EGFR: variants seen among roughly 807,000 people sequenced by gnomAD.
EGFR encodes avian erythroblastic leukemia viral (v-erb-b) oncogene homolog.
In EGFR, 58 loss-of-function variants were observed where a neutral mutation model predicts 143.0. The observed-to-expected ratio is 0.41, with a 90% confidence interval of 0.33 to 0.50. The LOEUF (loss-of-function observed/expected upper bound fraction) is 0.50, where lower values mean the gene tolerates loss of function less well. Among genes scored for constraint, EGFR ranks in the 20% least tolerant of loss-of-function variants. The pLI is 0.39. For synonymous variants in EGFR, 613 were observed against 594.4 expected (o/e 1.03, Z -0.45); for missense variants, 1,307 against 1,579.0 (o/e 0.83, Z 2.92).
chr7:55,051,350 G>A (rs572194509), intron 1 of EGFR, among the ~76,000 whole-genome samples: 1 of 152,264 alleles, frequency 6.6e-6, no homozygotes, highest in East Asian at 1.9e-4. Context: ...AATCACAGGT[G>A]ATTAGGTCAT....
At chr7:55,106,669 G>A (rs1470893123) in intron 1 of EGFR, among the ~76,000 whole-genome samples, 1 of 152,182 alleles carries the variant, frequency 6.6e-6, no homozygotes, top group Non-Finnish European at 1.5e-5. Context: ...ATTATTTCAT[G>A]CAAAAGGCTA....
intron 1 of EGFR, among the ~76,000 whole-genome samples, chr7:55,075,230 C>T (rs1790069146): frequency 6.6e-6 from 1 of 151,964 alleles, no homozygotes; most frequent in South Asian, 2.1e-4. Flanking sequence ...ATTCCACCAA[C>T]CAGAGGATAC....
intron 1 of EGFR, among the ~76,000 whole-genome samples, 172 bp downstream of exon 1, chr7:55,019,537 G>A (rs1241086449): frequency 6.6e-6 from 1 of 152,102 alleles, no homozygotes; most frequent in Non-Finnish European, 1.5e-5. Flanking sequence ...GGAACGGGAC[G>A]TTTCGTTCTT....
At chr7:55,187,419 G>A (rs1323210768) in intron 20 of EGFR, among the ~76,000 whole-genome samples, 7 of 152,158 alleles carry the variant, frequency 4.6e-5, no homozygotes, top group African/African-American at 1.4e-4. Flanking sequence ...AGGTGGCCTG[G>A]TTCCATGGTG....
At chr7:55,174,152 T>G (rs1786486983) in intron 18 of EGFR, 109 bp downstream of exon 18, 8 of 1,463,168 alleles carry the variant, frequency 5.5e-6, no homozygotes. Context: ...ACTTTACTCT[T>G]TGTTTCACTG....
intron 1 of EGFR, among the ~76,000 whole-genome samples, chr7:55,028,473 T>G (rs553388917): frequency 3.2e-4 from 48 of 152,324 alleles, no homozygotes; most frequent in Non-Finnish European, 6.2e-4. Context: ...ATACCAAATT[T>G]TAGAAACTTT....
At chr7:55,178,845 TTTTG>T (rs757581494) in intron 19 of EGFR, among the ~76,000 whole-genome samples, 8 of 152,202 alleles carry the variant, frequency 5.3e-5, no homozygotes, top group Admixed American at 1.3e-4. Flanking sequence ...AAGCTATAGT[TTTTG>T]TTTGTTTGTC....
At chr7:55,062,908 G>T (rs1789274194) in intron 1 of EGFR, among the ~76,000 whole-genome samples, 1 of 151,824 alleles carries the variant, frequency 6.6e-6, no homozygotes, top group South Asian at 2.1e-4. Context: ...CAGGCACTGT[G>T]CTCTAAGCCC....
At position 55,160,260 on chromosome 7, in the gene EGFR, A is replaced by G. The variant is rs2128941588; in HGVS notation, c.1420A>G (p.Thr474Ala). Reference sequence around the variant, plus strand: ...AAACAAAAATTTGTGCTATGCAAATACAATAAACTGGAAAAAACTGTTTGG... The same window carrying G: ...AAACAAAAATTTGTGCTATGCAAATGCAATAAACTGGAAAAAACTGTTTGG... The part of the protein sequence containing the change: ...SGNKNLCYAN[T>A]INWKKLFGTS... The change falls in exon 12 of 28, where the codon ACA (threonine) becomes GCA (alanine). Residue 474 changes from threonine (T) to alanine (A), a missense_variant. Coordinates refer to ENST00000275493, the MANE Select transcript of EGFR (RefSeq NM_005228.5). 1 of 1,614,152 alleles carries G rather than the reference A, an allele frequency of 6.2e-7. No individual in the cohort carries two copies. The highest frequency in any genetic ancestry group is 8.5e-7 in the Non-Finnish European group (1 of 1,180,032).
At chr7:55,173,842 G>T (rs923754123) in intron 17 of EGFR, 79 bp from the exon 18 acceptor site, 2 of 1,612,330 alleles carry the variant, frequency 1.2e-6, no homozygotes, top group African/African-American at 2.7e-5. Flanking sequence ...TGGTCCCCCT[G>T]CTGGGCCATG....
In EGFR at chr7:55,154,135, G is replaced by T. The variant is rs1220574404; in HGVS notation, c.872G>T (p.Cys291Phe). ...GGCAAATACAGCTTTGGTGCCACCT[G>T]CGTGAAGAAGTGTCCCCGTGAGTCC... ...PEGKYSFGAT[C>F]VKKCPRNYVV... The change falls in exon 7 of 28, where the codon TGC (cysteine) becomes TTC (phenylalanine). Residue 291 changes from cysteine (C) to phenylalanine (F), a missense_variant. This residue lies in a region of EGFR where 311 missense variants were observed against 412.3 expected (regional missense o/e 0.75). Coordinates refer to ENST00000275493, the MANE Select transcript of EGFR (RefSeq NM_005228.5). 1 of 1,614,126 alleles carries T rather than the reference G, an allele frequency of 6.2e-7. No homozygotes were observed. The highest frequency in any genetic ancestry group is 8.5e-7 in the Non-Finnish European group (1 of 1,180,058).
Position 55,067,929 on chromosome 7 carries a change from C to T in EGFR, c.88+48564C>T, listed in dbSNP as rs116072981. 4.8e-3 allele frequency among the ~76,000 whole-genome samples: 725 copies of T among 150,050 alleles called. 42 individuals carry two copies. The highest frequency in any genetic ancestry group is 0.016 in the African/African-American group (663 of 40,214). The stretch of plus-strand genomic sequence containing the variant: ...GTGTGTTCCTGTGTATGTGTGTCTG[C>T]GCACGTGTGTATGCATGTATATGGG... On this transcript the variant is annotated intron_variant, in intron 1 of 27. Coordinates refer to ENST00000275493, the MANE Select transcript of EGFR (RefSeq NM_005228.5).
chr7:55,152,995 A>G (rs1405966275), intron 6 of EGFR, among the ~76,000 whole-genome samples: 1 of 152,224 alleles, frequency 6.6e-6, no homozygotes, highest in Non-Finnish European at 1.5e-5. Flanking sequence ...TAAATACTAC[A>G]TGCAAGTATT....
chr7:55,181,667 C>T (rs916585845), intron 20 of EGFR, 189 bp downstream of exon 20: 7 of 696,212 alleles, frequency 1.0e-5, no homozygotes, highest in African/African-American at 8.9e-5. Context: ...CCTGTCCCAT[C>T]TGCATGTGGA....
At chr7:55,024,042 C>T (rs1016620284) in intron 1 of EGFR, among the ~76,000 whole-genome samples, 1 of 152,188 alleles carries the variant, frequency 6.6e-6, no homozygotes, top group Non-Finnish European at 1.5e-5. Context: ...ACTAGTTTGC[C>T]TGTAATTTTC....
chr7:55,137,594 G>A (rs763667306), intron 1 of EGFR, among the ~76,000 whole-genome samples: 21 of 152,240 alleles, frequency 1.4e-4, no homozygotes, highest in East Asian at 5.8e-4. Context: ...CCACCGGCCC[G>A]CCCTAGATGT....
chr7:55,091,691 G>C (rs779154361), intron 1 of EGFR, among the ~76,000 whole-genome samples: 2 of 152,180 alleles, frequency 1.3e-5, no homozygotes, highest in East Asian at 3.8e-4. Context: ...GGCAAGCCGG[G>C]CCCAGGAGTA....
chr7:55,098,103 G>T (rs1458942206), intron 1 of EGFR, among the ~76,000 whole-genome samples: 1 of 152,198 alleles, frequency 6.6e-6, no homozygotes, highest in East Asian at 1.9e-4. Flanking sequence ...GAGTTGCTTT[G>T]CCTGACAGTG....
At position 55,205,316 on chromosome 7, in the gene EGFR, A is replaced by G; in HGVS notation, c.3332A>G (p.His1111Arg). The change falls in exon 28 of 28, where the codon CAC becomes CGC. Residue 1111 changes from histidine (H) to arginine (R), a missense_variant. Physicochemically the swap from His to Arg is conservative, Grantham distance 29 (BLOSUM62 0). Transcript: ENST00000275493. ...PAGSVQNPVY[H>R]NQPLNPAPSR... The stretch of plus-strand genomic sequence containing the variant: ...GGCTCTGTGCAGAATCCTGTCTATC[A>G]CAATCAGCCTCTGAACCCCGCGCCC... The G allele has an allele frequency of 1.2e-6, 2 of 1,612,424 alleles. No homozygotes were observed. The highest frequency in any genetic ancestry group is 2.2e-5 in the East Asian group (1 of 44,858).
Sources: gnomAD v4.1 joint callset for allele counts (sites outside exome capture counted in the v4.1 genomes callset) on GRCh38, gnomAD v4.1.1 for gene constraint, gnomAD v4.1.1 regional missense constraint, MANE v1.5 for transcripts, NCBI Gene and HGNC (gene_info 2026-07-23, HGNC 2026-07-21) for gene names.